The following AGBL4 variants were observed in gnomAD, a reference collection of about 807,000 sequenced individuals.
AGBL4 encodes cytosolic carboxypeptidase 6.
A neutral mutation model predicts 66.4 loss-of-function variants in AGBL4; 58 were observed. The ratio of observed to expected loss-of-function variants is 0.87; its 90% CI spans 0.71 to 1.09. AGBL4 has a LOEUF of 1.09. Among genes scored for constraint, AGBL4 ranks in the 50% least tolerant of loss-of-function variants. AGBL4 has a pLI of 0.00. For synonymous variants in AGBL4, 234 were observed against 222.9 expected, an observed-to-expected ratio of 1.05 and a Z score of -0.44; for missense variants, 579 against 631.0, an observed-to-expected ratio of 0.92 and a Z score of 0.88.
chr1:49,691,035 A>T (rs895006028), intron 3 of AGBL4, among the ~76,000 whole-genome samples: 1 of 152,152 alleles, frequency 6.6e-6, no homozygotes, highest in African/African-American at 2.4e-5. Flanking sequence ...GATGATGATG[A>T]TGATGAGCAT....
intron 6 of AGBL4, among the ~76,000 whole-genome samples, chr1:48,834,948 T>C (rs1262759376): frequency 6.6e-6 from 1 of 152,168 alleles, no homozygotes; most frequent in African/African-American, 2.4e-5. Context: ...TGGCTTTCTT[T>C]ACCAGCCTTG....
chr1:49,642,209 C>A (rs2124410136), intron 3 of AGBL4, among the ~76,000 whole-genome samples: 1 of 152,068 alleles, frequency 6.6e-6, no homozygotes, highest in Admixed American at 6.6e-5. Context: ...GAAGATAAAA[C>A]AATGGGCCTG....
intron 3 of AGBL4, among the ~76,000 whole-genome samples, chr1:49,452,642 G>C (rs908388395): frequency 2.6e-5 from 4 of 151,588 alleles, no homozygotes; most frequent in African/African-American, 9.7e-5. Context: ...GTTCTGCCCT[G>C]ATACTCTAAT....
intron 3 of AGBL4, chr1:49,257,379 G>C (rs1459343676): frequency 1.2e-5 from 2 of 160,482 alleles, no homozygotes; most frequent in Non-Finnish European, 2.7e-5. Flanking sequence ...GCAATGGCGG[G>C]CGCCCCTCCC....
chr1:48,559,053 G>T (rs572050226), intron 11 of AGBL4, among the ~76,000 whole-genome samples: 10 of 152,050 alleles, frequency 6.6e-5, no homozygotes, highest in Non-Finnish European at 1.5e-4. Flanking sequence ...TCTTATACCG[G>T]GATAGGGTCA....
chr1:50,002,176 A>G (rs1419309468), intron 1 of AGBL4, among the ~76,000 whole-genome samples: 1 of 152,106 alleles, frequency 6.6e-6, no homozygotes, highest in Non-Finnish European at 1.5e-5. Flanking sequence ...AGACTCTGCT[A>G]AATTAATGTG....
chr1:49,029,228 T>C (rs1664004419), intron 5 of AGBL4, among the ~76,000 whole-genome samples: 1 of 151,916 alleles, frequency 6.6e-6, no homozygotes, highest in African/African-American at 2.4e-5. Flanking sequence ...GGTAATTAGG[T>C]GAGAAAAGAA....
intron 1 of AGBL4, among the ~76,000 whole-genome samples, chr1:49,906,887 C>G (rs1479039772): frequency 6.6e-6 from 1 of 151,988 alleles, no homozygotes; most frequent in Non-Finnish European, 1.5e-5. Flanking sequence ...AAATTCTGGT[C>G]TTGGAATTTC....
chr1:49,603,971 CACACACA>C (rs1558093721), intron 3 of AGBL4, among the ~76,000 whole-genome samples: 56 of 143,638 alleles, frequency 3.9e-4, no homozygotes, highest in African/African-American at 1.5e-3. Flanking sequence ...CACACACACA[CACACACA>C]CACCACATTT....
chr1:49,964,441 A>G (rs1246739316), intron 1 of AGBL4, among the ~76,000 whole-genome samples: 2 of 152,114 alleles, frequency 1.3e-5, no homozygotes, highest in East Asian at 3.8e-4. Flanking sequence ...TTTAGCTAAA[A>G]GTAAGAGTAC....
At chr1:48,661,363 G>C (rs896365468) in intron 7 of AGBL4, among the ~76,000 whole-genome samples, 1 of 152,176 alleles carries the variant, frequency 6.6e-6, no homozygotes, top group Non-Finnish European at 1.5e-5. Context: ...AGGTGTAAAG[G>C]TGCACTGGTC....
chr1:49,186,905 T>TA, intron 4 of AGBL4, among the ~76,000 whole-genome samples: 1 of 152,266 alleles, frequency 6.6e-6, no homozygotes, highest in African/African-American at 2.4e-5. Flanking sequence ...GACAAATTGC[T>TA]AGAAATGATT....
chr1:49,308,046 T>C lies in AGBL4; in HGVS notation c.283-62182A>G, dbSNP rs576468548. On this transcript the variant is annotated intron_variant, in intron 3 of 13. Coordinates refer to ENST00000371839, the MANE Select transcript of AGBL4 (RefSeq NM_032785.4). ...TTCTCATGAGATCAGTTTAAGTGTA[T>C]AGCACCTCTCTGCTCTCTCTTGCCC... Among the ~76,000 whole-genome samples the C allele has an allele frequency of 3.3e-5, 5 of 152,132 alleles. No individual in the cohort carries two copies. In the East Asian group the frequency reaches 7.8e-4, roughly 24 times the overall value.
chr1:48,630,781 AC>A lies in AGBL4; in HGVS notation c.951+3711del, dbSNP rs548656116. Among the ~76,000 whole-genome samples the A allele has an allele frequency of 7.9e-5, 12 of 152,024 alleles. No individual in the cohort carries two copies. The South Asian group carries it at 2.5e-3, about 32-fold the overall frequency. ...CCAGATTGCTCCCTGTGTCATAACA[AC>A]CTCTTCTGTCTGCCCCTGGTAACAG... On this transcript the variant is annotated intron_variant, in intron 9 of 13. Coordinates refer to ENST00000371839, the MANE Select transcript of AGBL4 (RefSeq NM_032785.4).
intron 6 of AGBL4, among the ~76,000 whole-genome samples, chr1:48,786,425 T>C (rs1253208863): frequency 6.6e-6 from 1 of 152,200 alleles, no homozygotes; most frequent in Non-Finnish European, 1.5e-5. Flanking sequence ...GCTGTTTTGA[T>C]ATAGGCCTTG....
intron 3 of AGBL4, among the ~76,000 whole-genome samples, chr1:49,442,994 CATT>C (rs1430651474): frequency 2.0e-5 from 3 of 152,098 alleles, no homozygotes; most frequent in Non-Finnish European, 4.4e-5. Flanking sequence ...AAAGATAACT[CATT>C]ATGATTTTAA....
intron 6 of AGBL4, among the ~76,000 whole-genome samples, chr1:48,827,228 T>C (rs1364712581): frequency 1.3e-5 from 2 of 152,254 alleles, no homozygotes; most frequent in African/African-American, 4.8e-5. Context: ...TCCATTATAC[T>C]GTCTCTGCAT....
intron 6 of AGBL4, among the ~76,000 whole-genome samples, chr1:48,741,780 T>G (rs1649949707): frequency 6.6e-6 from 1 of 152,148 alleles, no homozygotes; most frequent in Admixed American, 6.5e-5. Flanking sequence ...CATGACGCGT[T>G]AAGGAGAACG....
intron 3 of AGBL4, among the ~76,000 whole-genome samples, chr1:49,614,234 A>G (rs1324418121): frequency 1.3e-5 from 2 of 152,182 alleles, no homozygotes; most frequent in African/African-American, 4.8e-5. Flanking sequence ...GCCAAGGATA[A>G]CCACTATCCT....
Sources: gnomAD v4.1 joint callset for allele counts (sites outside exome capture counted in the v4.1 genomes callset) on GRCh38, gnomAD v4.1.1 for gene constraint, MANE v1.5 for transcripts, NCBI Gene and HGNC (gene_info 2026-07-23, HGNC 2026-07-21) for gene names.